Variants in EML6 observed in about 807,000 individuals in gnomAD.
EML6 encodes the protein echinoderm microtubule-associated protein-like 6.
In EML6, 154 loss-of-function variants were observed where a neutral mutation model predicts 240.1. That is an observed-to-expected ratio of 0.64 (90% CI 0.56 to 0.73). The LOEUF is 0.73. Ranked by LOEUF, EML6 falls within the 30% of genes least tolerant of loss-of-function variation. The probability of loss-of-function intolerance (pLI) is 0.00; values close to 1 mark genes in which losing one functional copy is unlikely to be tolerated. For synonymous variants in EML6, 1,148 were observed against 899.0 expected (o/e 1.28, Z -4.95); for missense variants, 2,964 against 2,474.6 (o/e 1.20, Z -4.20).
chr2:54,769,315 A>T (rs1206946040), intron 2 of EML6, among the ~76,000 whole-genome samples: 9 of 152,206 alleles, frequency 5.9e-5, no homozygotes, highest in Non-Finnish European at 1.3e-4. Flanking sequence ...CATCAGAGCC[A>T]ACAATTTGAG....
At chr2:54,831,743 A>G (rs1668881313) in intron 7 of EML6, among the ~76,000 whole-genome samples, 1 of 152,146 alleles carries the variant, frequency 6.6e-6, no homozygotes. Context: ...GTGCTTTTAA[A>G]GGATGGTATA....
intron 2 of EML6, among the ~76,000 whole-genome samples, chr2:54,742,794 A>G (rs547976681): frequency 6.6e-6 from 1 of 152,342 alleles, no homozygotes; most frequent in South Asian, 2.1e-4. Flanking sequence ...AGTGAGTTGA[A>G]GAATGACATA....
intron 17 of EML6, among the ~76,000 whole-genome samples, chr2:54,885,887 A>G (rs1398331015): frequency 6.6e-6 from 1 of 152,180 alleles, no homozygotes; most frequent in Non-Finnish European, 1.5e-5. Context: ...CTGAGATTAC[A>G]GGCGTGAGCC....
At chr2:54,913,233 C>CT (rs1558679812) in intron 25 of EML6, among the ~76,000 whole-genome samples, 1 of 150,872 alleles carries the variant, frequency 6.6e-6, no homozygotes, top group African/African-American at 2.4e-5. Flanking sequence ...CTTTTCATAT[C>CT]TTTTGCCCAC....
intron 24 of EML6, 80 bp downstream of exon 24, chr2:54,903,582 G>C: frequency 7.9e-7 from 1 of 1,273,482 alleles, no homozygotes; most frequent in Non-Finnish European, 1.1e-6. Context: ...AGAGAGAATG[G>C]CAGTTGAGTG....
chr2:54,778,784 C>T (rs1236158719), intron 2 of EML6, among the ~76,000 whole-genome samples: 51 of 149,908 alleles, frequency 3.4e-4, no homozygotes, highest in Admixed American at 2.0e-4. Context: ...CCCAGCTACT[C>T]GGGAGGCTGA....
At chr2:54,854,743 C>G (rs1379076981) in intron 11 of EML6, among the ~76,000 whole-genome samples, 1 of 152,252 alleles carries the variant, frequency 6.6e-6, no homozygotes, top group Non-Finnish European at 1.5e-5. Flanking sequence ...AAGACACCAT[C>G]ACTGAAACAT....
chr2:54,860,019 C>G (rs1028702190), intron 12 of EML6, among the ~76,000 whole-genome samples: 2 of 152,178 alleles, frequency 1.3e-5, no homozygotes, highest in Non-Finnish European at 2.9e-5. Context: ...CAGGTCCATT[C>G]TCTCTGAGAG....
chr2:54,828,030 TAG>T (rs1668681455), intron 6 of EML6, among the ~76,000 whole-genome samples: 1 of 152,252 alleles, frequency 6.6e-6, no homozygotes, highest in South Asian at 2.1e-4. Context: ...ATTCATCTTA[TAG>T]GCACTTCTCA....
intron 2 of EML6, among the ~76,000 whole-genome samples, chr2:54,763,827 A>C (rs1343900529): frequency 6.6e-6 from 1 of 152,156 alleles, no homozygotes; most frequent in Admixed American, 6.5e-5. Context: ...AGGGCGTGAC[A>C]CTAGGGGGCA....
chr2:54,745,116 C>T (rs767373029), intron 2 of EML6, among the ~76,000 whole-genome samples: 56 of 152,014 alleles, frequency 3.7e-4, no homozygotes, highest in Non-Finnish European at 6.6e-4. Context: ...AAGGATTCTC[C>T]GGGTATGAGG....
intron 17 of EML6, among the ~76,000 whole-genome samples, chr2:54,884,022 C>T (rs1180871077): frequency 6.6e-6 from 1 of 152,158 alleles, no homozygotes; most frequent in Non-Finnish European, 1.5e-5. Flanking sequence ...GTGGGGATTT[C>T]TCCCCACCAG....
chr2:54,909,757 T>C (rs566004865), intron 24 of EML6, among the ~76,000 whole-genome samples: 46 of 148,190 alleles, frequency 3.1e-4, no homozygotes, highest in African/African-American at 1.1e-3. Flanking sequence ...GGCAAGAGAA[T>C]CGCTTGAACT....
chr2:54,737,847 C>G (rs572102721), intron 2 of EML6, among the ~76,000 whole-genome samples: 77 of 152,264 alleles, frequency 5.1e-4, no homozygotes, highest in Middle Eastern at 3.4e-3. Flanking sequence ...GCCCCTTTTA[C>G]CTCTGCGATC....
At chr2:54,908,934 T>G (rs979731044) in intron 24 of EML6, among the ~76,000 whole-genome samples, 1 of 152,180 alleles carries the variant, frequency 6.6e-6, no homozygotes, top group African/African-American at 2.4e-5. Flanking sequence ...TAGGGGACCC[T>G]ACAAGCTGTC....
At chr2:54,850,322 G>T (rs941362728) in intron 10 of EML6, 104 bp downstream of exon 10, 4 of 1,096,060 alleles carry the variant, frequency 3.6e-6, no homozygotes, top group Non-Finnish European at 5.1e-6. Flanking sequence ...TTGTACAGCA[G>T]GTTTTCTGGT....
Position 54,892,592 on chromosome 2 carries a change from T to C in EML6, c.2678T>C (p.Ile893Thr). 6.4e-7 allele frequency: 1 copy of C among 1,551,788 alleles called. No homozygotes were observed. The highest frequency in any genetic ancestry group is 8.7e-7 in the Non-Finnish European group (1 of 1,146,882). Residue 893 changes from isoleucine (I) to threonine (T), a missense_variant, in exon 19 of 42, where the codon ATT (isoleucine) becomes ACT (threonine). Physicochemically the swap from Ile to Thr is moderately conservative, Grantham distance 89 (BLOSUM62 -1). Transcript: ENST00000356458. ...ATGDIFIWKD[I>T]LLLKTVKAHD... ...GGAGATATTTTTATTTGGAAAGACA[T>C]TCTACTACTGAAGACAGTGAAAGCT...
In EML6 at chr2:54,792,899, G is replaced by A. The variant is rs527802757; in HGVS notation, c.198-20333G>A. Among the ~76,000 whole-genome samples the A allele has an allele frequency of 1.4e-4, 22 of 152,264 alleles. 1 individual carries two copies. In the East Asian group the frequency reaches 3.7e-3, roughly 25 times the overall value. ...GTTACTTCTGTCAGACAACAGAGGA[G>A]TTATAAAAAGCAAAAAAAAGAAATG... On this transcript the variant is annotated intron_variant, in intron 2 of 41. Coordinates refer to ENST00000356458, the MANE Select transcript of EML6 (RefSeq NM_001039753.4).
At chr2:54,961,184 G>GTTGTTT in intron 35 of EML6, among the ~76,000 whole-genome samples, 1,455 of 55,406 alleles carry the variant, frequency 0.026, 539 homozygotes, top group African/African-American at 0.11. Context: ...TCAGGAAGTA[G>GTTGTTT]TTTTTTTTTT....
Sources: gnomAD v4.1 joint callset for allele counts (sites outside exome capture counted in the v4.1 genomes callset) on GRCh38, gnomAD v4.1.1 for gene constraint, MANE v1.5 for transcripts, NCBI Gene and HGNC (gene_info 2026-07-23, HGNC 2026-07-21) for gene names.